Variants in PCDHGA10 observed in about 807,000 individuals in gnomAD.
PCDHGA10 encodes protocadherin gamma-A10.
In PCDHGA10, 42 loss-of-function variants were observed where a neutral mutation model predicts 59.5. That is an observed-to-expected ratio of 0.71 (90% CI 0.55 to 0.91). The LOEUF is 0.91. Ranked by LOEUF, PCDHGA10 falls within the 40% of genes least tolerant of loss-of-function variation. The pLI is 0.00. For missense variants in PCDHGA10, 1,111 were observed against 1,198.2 expected (o/e 0.93, Z 1.07); for synonymous variants, 511 against 517.2 (o/e 0.99, Z 0.16).
In PCDHGA10 at chr5:141,415,740, GTTTTTTTTTT is replaced by G. The variant is rs57426385; in HGVS notation, c.2436+152_2436+161del. The G allele has an allele frequency of 4.3e-3, 2,655 of 623,934 alleles. 2 individuals carry two copies. The highest frequency in any genetic ancestry group is 4.3e-3 in the Non-Finnish European group (2,016 of 468,394). The allele number at this position is 623,934 out of a possible 1,614,324, so 38.6% of individuals were successfully genotyped here. ...TGAGTAGAATTTGATGTTTATTAAG[GTTTTTTTTTT>G]TTTTTTTTTTTTTTTTTTTTTTACT... On this transcript the variant is annotated intron_variant, in intron 1 of 3. Coordinates refer to ENST00000398610, the MANE Select transcript of PCDHGA10 (RefSeq NM_018913.3).
At chr5:141,478,735 G>T in intron 1 of PCDHGA10, 1 of 1,535,968 alleles carries the variant, frequency 6.5e-7, no homozygotes, top group Non-Finnish European at 8.8e-7. Flanking sequence ...AGTGTGGTTT[G>T]TGGTCCCATT....
rs1264688160 is a variant in PCDHGA10, at chr5:141,493,193, G to A, written c.2437-1614G>A. 6.6e-6 allele frequency among the ~76,000 whole-genome samples: 1 copy of A among 152,128 alleles called. No individual in the cohort carries two copies. On this transcript the variant is annotated intron_variant, in intron 1 of 3. Transcript: ENST00000398610. This position sits in a 1 kb window ranked among gnomAD's most constrained non-coding sequence, Gnocchi z 4.3. ...GAGAAACTTACTATATAACTCCTTT[G>A]AGAACCTCATCTCATTTGCTCTTCC...
chr5:141,478,145 T>C (rs1252008984), intron 1 of PCDHGA10: 1 of 1,614,026 alleles, frequency 6.2e-7, no homozygotes. Context: ...CCGAGCCGAG[T>C]TCCCCTCTGG....
At chr5:141,492,216 C>T (rs1163022229) in intron 1 of PCDHGA10, among the ~76,000 whole-genome samples, 1 of 152,140 alleles carries the variant, frequency 6.6e-6, no homozygotes, top group Non-Finnish European at 1.5e-5. Context: ...GCGCGGGGCT[C>T]ATGCGTGTCC....
chr5:141,475,951 G>A, intron 1 of PCDHGA10: 4 of 766,902 alleles, frequency 5.2e-6, no homozygotes, highest in South Asian at 1.9e-5. Flanking sequence ...CCCTTTCTGC[G>A]CCCCGGGATG....
chr5:141,493,979 C>T lies in PCDHGA10; in HGVS notation c.2437-828C>T, dbSNP rs1273325447. ...GAAGTGGCTGGCCAGAGCCCCACAC[C>T]TTCAGCTAGGTGGGAGATGGCTACA... is the stretch of plus-strand genomic sequence containing the variant. On this transcript the variant is annotated intron_variant, in intron 1 of 3. Coordinates refer to ENST00000398610, the MANE Select transcript of PCDHGA10 (RefSeq NM_018913.3). The surrounding 1 kb of genome is among the most constrained non-coding windows in gnomAD (Gnocchi z 4.3). Among the ~76,000 whole-genome samples, 1 of 152,182 alleles carries T rather than the reference C, an allele frequency of 6.6e-6. No individual in the cohort carries two copies. Among genetic ancestry groups the T allele is most frequent in the Non-Finnish European group, 1.5e-5 (1 of 68,032 alleles).
Position 141,475,863 on chromosome 5 carries a change from C to G in PCDHGA10, c.2437-18944C>G, listed in dbSNP as rs1037784260. On this transcript the variant is annotated intron_variant, in intron 1 of 3. Transcript: ENST00000398610. ...TCAGAGAGCCCGGCGCTAGCTCATT[C>G]TTCGTGCAGTTATTGGCTGGGACTC... is the stretch of plus-strand genomic sequence containing the variant. 1.4e-5 allele frequency: 7 copies of G among 499,790 alleles called. 1 individual carries two copies. The highest frequency in any genetic ancestry group is 1.4e-4 in the African/African-American group (7 of 51,600). The allele number at this position is 499,790 out of a possible 1,614,324, so 31.0% of individuals were successfully genotyped here. A position where few individuals can be genotyped will look rare whatever the true frequency, so the allele number is the denominator to read the frequency against.
chr5:141,498,971 G>GGGAAGGAAGGAAGGAAGGAAGGAA (rs201769957), intron 2 of PCDHGA10, among the ~76,000 whole-genome samples: 2 of 110,972 alleles, frequency 1.8e-5, no homozygotes, highest in African/African-American at 3.6e-5. Context: ...GAGGGAGGGA[G>GGGAAGGAAGGAAGGAAGGAAGGAA]GGAAGGAAGG....
At chr5:141,426,442 G>A (rs1205822455) in intron 1 of PCDHGA10, 9 of 306,752 alleles carry the variant, frequency 2.9e-5, no homozygotes, top group African/African-American at 4.3e-5. Context: ...CCTTGCGGAG[G>A]ACATGCGGCT....
intron 1 of PCDHGA10, chr5:141,430,691 G>C (rs1479214920): frequency 1.4e-6 from 2 of 1,416,472 alleles, no homozygotes; most frequent in Non-Finnish European, 1.9e-6. Flanking sequence ...CCATTCTATG[G>C]GCGAAGGAAC....
chr5:141,445,134 A>G lies in PCDHGA10; in HGVS notation c.2436+29523A>G, dbSNP rs900226020. ...TTGTAAATAGTATTTTTAAAATTGT[A>G]TCTTCTAATTGTTCATTTCTAGTTT... On this transcript the variant is annotated intron_variant, in intron 1 of 3. Transcript: ENST00000398610. Among the ~76,000 whole-genome samples, 174 of 152,316 alleles carry G rather than the reference A, an allele frequency of 1.1e-3. 4 individuals carry two copies. The highest frequency in any genetic ancestry group is 5.3e-4 in the Non-Finnish European group (36 of 68,016).
chr5:141,489,042 A>T lies in PCDHGA10; in HGVS notation c.2437-5765A>T. On this transcript the variant is annotated intron_variant, in intron 1 of 3. Coordinates refer to ENST00000398610, the MANE Select transcript of PCDHGA10 (RefSeq NM_018913.3). This position sits in a 1 kb window ranked among gnomAD's most constrained non-coding sequence, Gnocchi z 4.5. ...TCTCCTCCTCCAGCTCCCCAGCTCCACTCAAATTCAGCTCCCCTCCCCCCT... is the reference window on the plus strand; with the variant it reads ...TCTCCTCCTCCAGCTCCCCAGCTCCTCTCAAATTCAGCTCCCCTCCCCCCT... The T allele has an allele frequency of 4.2e-6, 2 of 473,800 alleles. No individual in the cohort carries two copies. The highest frequency in any genetic ancestry group is 3.7e-6 in the Non-Finnish European group (1 of 270,920). 29.3% of individuals were successfully genotyped at this position (473,800 alleles called of 1,614,324 possible).
At chr5:141,499,057 A>G (rs1361057448) in intron 2 of PCDHGA10, among the ~76,000 whole-genome samples, 1 of 152,036 alleles carries the variant, frequency 6.6e-6, no homozygotes, top group Non-Finnish European at 1.5e-5. Flanking sequence ...GAAAAAATGA[A>G]GAAGACTTAC....
At chr5:141,453,379 C>T (rs980792532) in intron 1 of PCDHGA10, among the ~76,000 whole-genome samples, 1 of 152,050 alleles carries the variant, frequency 6.6e-6, no homozygotes, top group Non-Finnish European at 1.5e-5. Context: ...AGTGATCCTC[C>T]TGCCTTAGCC....
At chr5:141,471,892 T>C (rs1429425311) in intron 1 of PCDHGA10, among the ~76,000 whole-genome samples, 1 of 152,166 alleles carries the variant, frequency 6.6e-6, no homozygotes, top group Admixed American at 6.6e-5. Context: ...GCTAGGAAGA[T>C]TGACTACAGA....
intron 1 of PCDHGA10, chr5:141,423,436 C>A (rs2096740667): frequency 6.2e-7 from 1 of 1,613,782 alleles, no homozygotes; most frequent in Non-Finnish European, 8.5e-7. Context: ...GGCAGGTATG[C>A]CCACGTCACA....
chr5:141,418,948 A>G (rs767664022), intron 1 of PCDHGA10: 1 of 1,614,042 alleles, frequency 6.2e-7, no homozygotes, highest in Non-Finnish European at 8.5e-7. Context: ...CCCCTCCAGG[A>G]GTGGTTGTTG....
intron 1 of PCDHGA10, chr5:141,441,162 G>T (rs1009205566): frequency 6.6e-6 from 1 of 152,166 alleles, no homozygotes; most frequent in African/African-American, 2.4e-5. Context: ...TCCTAGAGGC[G>T]ATTTTTACTT....
At chr5:141,495,960 C>G (rs1380397345) in intron 2 of PCDHGA10, among the ~76,000 whole-genome samples, 2 of 151,998 alleles carry the variant, frequency 1.3e-5, no homozygotes, top group East Asian at 3.9e-4. Context: ...CTTTTTCTGC[C>G]TCTTTCTCTG....
Sources: gnomAD v4.1 joint callset for allele counts (sites outside exome capture counted in the v4.1 genomes callset) on GRCh38, gnomAD v4.1.1 for gene constraint, Gnocchi (gnomAD v3.1) non-coding constraint, MANE v1.5 for transcripts, NCBI Gene and HGNC (gene_info 2026-07-23, HGNC 2026-07-21) for gene names.